INPP4B: variants seen among roughly 807,000 people sequenced by gnomAD.
The protein encoded by INPP4B is inositol polyphosphate 4-phosphatase type II.
A neutral mutation model predicts 122.5 loss-of-function variants in INPP4B; 55 were observed. That is an observed-to-expected ratio of 0.45 (90% CI 0.36 to 0.56). The LOEUF is 0.56. Ranked by LOEUF, INPP4B falls within the 20% of genes least tolerant of loss-of-function variation. The probability of loss-of-function intolerance (pLI) is 0.00; values close to 1 mark genes in which losing one functional copy is unlikely to be tolerated. For synonymous variants in INPP4B, 403 were observed against 388.7 expected (o/e 1.04, Z -0.43); for missense variants, 1,000 against 1,097.7 (o/e 0.91, Z 1.26).
chr4:142,707,151 T>G (rs1439645156), intron 2 of INPP4B, among the ~76,000 whole-genome samples: 1 of 152,320 alleles, frequency 6.6e-6, no homozygotes, highest in Admixed American at 6.5e-5. Context: ...TCAACCACTC[T>G]TGACATACAC....
intron 11 of INPP4B, among the ~76,000 whole-genome samples, chr4:142,257,564 GACAA>G (rs1311986501): frequency 1.3e-5 from 2 of 151,980 alleles, no homozygotes; most frequent in Admixed American, 1.3e-4. Flanking sequence ...ACCAATAACA[GACAA>G]ACAGAGAGCC....
chr4:142,418,516 C>G (rs769575497), intron 5 of INPP4B, among the ~76,000 whole-genome samples: 54 of 152,126 alleles, frequency 3.5e-4, no homozygotes, highest in Admixed American at 1.7e-3. Flanking sequence ...AATGAGAATT[C>G]TAAACAGTGT....
chr4:142,588,155 G>T (rs896250528), intron 2 of INPP4B, among the ~76,000 whole-genome samples: 3 of 151,748 alleles, frequency 2.0e-5, no homozygotes, highest in African/African-American at 7.2e-5. Flanking sequence ...TAACAGAGAA[G>T]AATTTATTTA....
intron 2 of INPP4B, among the ~76,000 whole-genome samples, chr4:142,500,265 C>T (rs1823197252): frequency 6.6e-6 from 1 of 152,156 alleles, no homozygotes; most frequent in South Asian, 2.1e-4. Flanking sequence ...TGCTGGGTCT[C>T]CTGAACATCT....
At chr4:142,279,400 A>G (rs1434441793) in intron 9 of INPP4B, among the ~76,000 whole-genome samples, 1 of 151,954 alleles carries the variant, frequency 6.6e-6, no homozygotes, top group African/African-American at 2.4e-5. Flanking sequence ...ATCTAGAGTA[A>G]TTAAACTCTG....
At chr4:142,656,121 G>T (rs931818985) in intron 2 of INPP4B, among the ~76,000 whole-genome samples, 30 of 152,154 alleles carry the variant, frequency 2.0e-4, no homozygotes, top group Non-Finnish European at 4.4e-5. Flanking sequence ...GCAGCAGGGA[G>T]GAGCCTGGCC....
intron 1 of INPP4B, among the ~76,000 whole-genome samples, chr4:142,804,439 A>G (rs1007684376): frequency 6.6e-6 from 1 of 152,156 alleles, no homozygotes; most frequent in Non-Finnish European, 1.5e-5. Flanking sequence ...CCCTCAAGCA[A>G]CCACAGGGTT....
At chr4:142,029,742 A>G in intron 25 of INPP4B, 11 of 992,314 alleles carry the variant, frequency 1.1e-5, no homozygotes, top group Non-Finnish European at 1.3e-5. Context: ...GCAACCTCCC[A>G]CATCTCTAGA....
intron 2 of INPP4B, among the ~76,000 whole-genome samples, chr4:142,539,385 T>C (rs1828669283): frequency 6.6e-6 from 1 of 152,044 alleles, no homozygotes; most frequent in Non-Finnish European, 1.5e-5. Context: ...ATTAGGTTAA[T>C]TCTAATAGCT....
intron 5 of INPP4B, among the ~76,000 whole-genome samples, chr4:142,423,413 C>A (rs746619518): frequency 2.6e-5 from 4 of 151,788 alleles, no homozygotes; most frequent in Non-Finnish European, 4.4e-5. Flanking sequence ...ATGATTTTAT[C>A]TTTTTTTTCC....
Position 142,025,506 on chromosome 4 carries a change from C to T in INPP4B, c.*3276G>A, listed in dbSNP as rs1031259554. 1.2e-4 allele frequency: 18 copies of T among 152,114 alleles called. No individual in the cohort carries two copies. The highest frequency in any genetic ancestry group is 2.1e-4 in the South Asian group (1 of 4,824). 9.4% of individuals were successfully genotyped at this position (152,114 alleles called of 1,614,324 possible). A position where few individuals can be genotyped will look rare whatever the true frequency, so the allele number is the denominator to read the frequency against. On this transcript the variant is annotated 3_prime_UTR_variant, in exon 26 of 26. Coordinates refer to ENST00000262992, the MANE Select transcript of INPP4B (RefSeq NM_001101669.3). ...AATTATCAACTTTTATGCATCAGAACGAGCTAGTTCCAGCCCACCAGTGGT... is the reference window on the plus strand; with the variant it reads ...AATTATCAACTTTTATGCATCAGAATGAGCTAGTTCCAGCCCACCAGTGGT...
intron 7 of INPP4B, among the ~76,000 whole-genome samples, chr4:142,320,018 A>C (rs1455647587): frequency 6.6e-6 from 1 of 152,120 alleles, no homozygotes; most frequent in Non-Finnish European, 1.5e-5. Context: ...ATGTGCTTCA[A>C]AGCTCCCTCA....
intron 5 of INPP4B, among the ~76,000 whole-genome samples, chr4:142,410,858 TCTATC>T (rs1163113900): frequency 2.0e-5 from 3 of 152,216 alleles, no homozygotes; most frequent in African/African-American, 7.2e-5. Context: ...ATGGATTTTA[TCTATC>T]CTATATTTTT....
intron 25 of INPP4B, among the ~76,000 whole-genome samples, chr4:142,068,368 T>C (rs1764879453): frequency 6.6e-6 from 1 of 152,188 alleles, no homozygotes; most frequent in African/African-American, 2.4e-5. Flanking sequence ...TACCAGCCAC[T>C]GCAAAAACAT....
chr4:142,825,999 G>A (rs866601117), intron 1 of INPP4B, among the ~76,000 whole-genome samples: 1 of 151,966 alleles, frequency 6.6e-6, no homozygotes, highest in African/African-American at 2.4e-5. Flanking sequence ...ATGTTCCTTT[G>A]TTTATATGCC....
At chr4:142,041,859 C>A (rs3775601) in intron 25 of INPP4B, among the ~76,000 whole-genome samples, 12,073 of 151,580 alleles carry the variant, frequency 0.08, 558 homozygotes, top group South Asian at 0.16. Context: ...ACATGTACTG[C>A]ATCTCCACTT....
intron 3 of INPP4B, among the ~76,000 whole-genome samples, chr4:142,440,721 CCTT>C (rs1190247687): frequency 4.0e-5 from 6 of 148,832 alleles, no homozygotes; most frequent in Admixed American, 3.6e-4. Context: ...CTTTGAGTCT[CCTT>C]CTTTTTTAAA....
In INPP4B at chr4:142,240,390, T is replaced by C. The variant is rs140319837; in HGVS notation, c.689-2379A>G. 5.7e-3 allele frequency among the ~76,000 whole-genome samples: 862 copies of C among 152,230 alleles called. 8 individuals are homozygous for C. The highest frequency in any genetic ancestry group is 0.02 in the African/African-American group (829 of 41,572). Reference sequence around the variant, plus strand: ...TTCAATGCACTCTGAATATAAACCTTTGTTGAAATAGATTAAACAGAAATC... The same window carrying C: ...TTCAATGCACTCTGAATATAAACCTCTGTTGAAATAGATTAAACAGAAATC... On this transcript the variant is annotated intron_variant, in intron 11 of 25. Transcript: ENST00000262992.
intron 7 of INPP4B, among the ~76,000 whole-genome samples, chr4:142,375,338 C>A (rs374280937): frequency 4.6e-5 from 7 of 151,450 alleles, no homozygotes; most frequent in African/African-American, 1.7e-4. Flanking sequence ...TTTTCATTCT[C>A]CATATGTCAG....
Sources: allele counts gnomAD v4.1 joint callset (sites outside exome capture counted in the v4.1 genomes callset), GRCh38; gene constraint gnomAD v4.1.1; transcripts MANE v1.5; gene names NCBI Gene and HGNC (gene_info 2026-07-23, HGNC 2026-07-21).